AFDN: variants seen among roughly 807,000 people sequenced by gnomAD.
The protein encoded by AFDN is afadin, adherens junction formation factor.
In AFDN, 68 loss-of-function variants were observed where a neutral mutation model predicts 216.6. That is an observed-to-expected ratio of 0.31 (90% CI 0.26 to 0.38). The LOEUF (loss-of-function observed/expected upper bound fraction) is 0.38, where lower values mean the gene tolerates loss of function less well. Ranked by LOEUF, AFDN falls within the 10% of genes least tolerant of loss-of-function variation. The pLI, the probability that AFDN is intolerant of heterozygous loss-of-function variation, is 1.00. For missense variants in AFDN, 2,136 were observed against 2,342.0 expected, an observed-to-expected ratio of 0.91 and a Z score of 1.82; for synonymous variants, 868 against 853.7, an observed-to-expected ratio of 1.02 and a Z score of -0.29.
intron 23 of AFDN, among the ~76,000 whole-genome samples, chr6:167,940,863 G>A (rs78820954): frequency 0.029 from 905 of 30,866 alleles, no homozygotes; most frequent in Middle Eastern, 0.077. Flanking sequence ...GAGGGTGGAA[G>A]CCATCCACAG....
chr6:167,827,542 C>T (rs1050403863), intron 1 of AFDN: 1 of 144,954 alleles, frequency 6.9e-6, no homozygotes, highest in Non-Finnish European at 1.5e-5. Flanking sequence ...CCGCCCCCAC[C>T]CCCGCGAGCG....
rs1291470457 is a variant in AFDN at position 167,914,733 on chromosome 6, A to G, written c.2294A>G (p.Lys765Arg). The stretch of plus-strand genomic sequence containing the variant: ...GAAGAGAACAGTCTGCAACGACCAA[A>G]AATAGGTTAGGATGTTTTCTGACTG... ...DPEENSLQRP[K>R]IDDVLHTLTG... Residue 765 changes from lysine (K) to arginine (R), a missense_variant, in exon 18 of 34, where the codon AAA becomes AGA. Physicochemically the swap from Lys to Arg is conservative, Grantham distance 26. Around this residue, in one of 8 missense-constraint regions of AFDN, gnomAD observed 817 missense variants for 965.7 expected, o/e 0.85. Transcript: ENST00000683244. The G allele has an allele frequency of 6.2e-7, 1 of 1,604,812 alleles. No individual in the cohort carries two copies. The highest frequency in any genetic ancestry group is 2.2e-5 in the East Asian group (1 of 44,810).
intron 31 of AFDN, chr6:167,964,866 T>G (rs1049114318): frequency 9.4e-7 from 1 of 1,065,272 alleles, no homozygotes; most frequent in Admixed American, 5.3e-5. Context: ...TTATTTACTT[T>G]TTTCTTGTGC....
chr6:167,890,806 C>T (rs1254578696), intron 7 of AFDN, 56 bp from the exon 8 acceptor site: 142 of 1,536,606 alleles, frequency 9.2e-5, no homozygotes, highest in Non-Finnish European at 6.1e-5. Context: ...TGCCAGTCAG[C>T]GGGCCATCCT....
intron 23 of AFDN, among the ~76,000 whole-genome samples, chr6:167,935,075 T>C (rs145038416): frequency 7.8e-4 from 119 of 152,348 alleles, no homozygotes; most frequent in African/African-American, 2.8e-3. Flanking sequence ...CATTCTCTCT[T>C]GTAGCTCGTT....
In AFDN at chr6:167,970,278, T is replaced by TC. The variant is rs759295564; in HGVS notation, c.*347dup. The stretch of plus-strand genomic sequence containing the variant: ...AATGGATGTGTCTTCTCTCCCATCT[T>TC]CCCCTCATCATCGACCGAGGAGCAC... On this transcript the variant is annotated 3_prime_UTR_variant, in exon 34 of 34. Coordinates refer to ENST00000683244, the MANE Select transcript of AFDN (RefSeq NM_001386888.1). 14 of 283,844 alleles carry TC rather than the reference T, an allele frequency of 4.9e-5. No individual in the cohort carries two copies. Among genetic ancestry groups the TC allele is most frequent in the Non-Finnish European group, 6.5e-5 (10 of 152,972 alleles). The allele number at this position is 283,844 out of a possible 1,614,324, so 17.6% of individuals were successfully genotyped here. A position where few individuals can be genotyped will look rare whatever the true frequency, so the allele number is the denominator to read the frequency against.
intron 30 of AFDN, chr6:167,954,522 CT>C (rs1298020333): frequency 3.8e-6 from 6 of 1,590,492 alleles, no homozygotes; most frequent in Admixed American, 1.7e-5. Context: ...CCCTTTGGTA[CT>C]TTTTTCCTGT....
chr6:167,860,031 C>T (rs576249368), intron 1 of AFDN, among the ~76,000 whole-genome samples: 71 of 152,068 alleles, frequency 4.7e-4, no homozygotes, highest in Non-Finnish European at 7.1e-4. Context: ...GAGCATTGTA[C>T]GCTGACTGTA....
At position 167,898,328 on chromosome 6, in the gene AFDN, A is replaced by G. The variant is rs923372992; in HGVS notation, c.1441A>G (p.Thr481Ala). 7 of 1,614,048 alleles carry G rather than the reference A, an allele frequency of 4.3e-6. No individual in the cohort carries two copies. Among genetic ancestry groups the G allele is most frequent in the Non-Finnish European group, 5.9e-6 (7 of 1,180,026 alleles). ...GGAAGGCCAGCGCATCTCAGAAACC[A>G]CCATGCTGCAGAGTGGCATGAAAGT... Reference protein sequence around the residue: ...YVEGQRISETTMLQSGMKVQF... With the variant: ...YVEGQRISETAMLQSGMKVQF... Residue 481 changes from threonine (T) to alanine (A), a missense_variant, in exon 11 of 34, where the codon ACC becomes GCC. Around this residue, in one of 8 missense-constraint regions of AFDN, gnomAD observed 817 missense variants for 965.7 expected, o/e 0.85. Transcript: ENST00000683244.
chr6:167,913,311 T>G, intron 15 of AFDN, 92 bp from the exon 16 acceptor site: 4 of 1,201,246 alleles, frequency 3.3e-6, no homozygotes, highest in Non-Finnish European at 4.7e-6. Flanking sequence ...CGTACCTTCA[T>G]ATTAGTGTTT....
intron 1 of AFDN, among the ~76,000 whole-genome samples, chr6:167,837,985 C>A (rs1780636101): frequency 6.6e-6 from 1 of 152,152 alleles, no homozygotes; most frequent in Non-Finnish European, 1.5e-5. Flanking sequence ...ATATTTATTT[C>A]ATACATAAAT....
intron 23 of AFDN, among the ~76,000 whole-genome samples, chr6:167,935,834 T>C (rs1219745495): frequency 1.3e-5 from 2 of 152,136 alleles, no homozygotes; most frequent in African/African-American, 4.8e-5. Context: ...ATGTAAATTA[T>C]AGTATGGTAA....
intron 1 of AFDN, among the ~76,000 whole-genome samples, chr6:167,861,088 A>G (rs1303878206): frequency 2.0e-5 from 3 of 151,150 alleles, no homozygotes; most frequent in East Asian, 3.9e-4. Flanking sequence ...CCTCTCCCCA[A>G]CCCTCTGCAC....
At chr6:167,885,066 A>G (rs551481850) in intron 6 of AFDN, among the ~76,000 whole-genome samples, 1 of 152,194 alleles carries the variant, frequency 6.6e-6, no homozygotes, top group Non-Finnish European at 1.5e-5. Flanking sequence ...AACCTCTGCT[A>G]GCTTCAGACT....
chr6:167,882,165 C>T (rs947044654), intron 6 of AFDN, among the ~76,000 whole-genome samples: 2 of 151,556 alleles, frequency 1.3e-5, no homozygotes, highest in Admixed American at 6.6e-5. Context: ...TGAAATAAGA[C>T]TAGAATGCTG....
chr6:167,951,555 G>A lies in AFDN; in HGVS notation c.4201G>A (p.Ala1401Thr), dbSNP rs955816265. ...TTTGCCTCTCCCACCACCCCCTTCC[G>A]CCAACCAGATAGGGCTGCCGTCTGC... ...MDLPLPPPPS[A>T]NQIGLPSAQV... The change falls in exon 30 of 34, where the codon GCC becomes ACC. Residue 1401 changes from alanine (A) to threonine (T), a missense_variant. Physicochemically the swap from Ala to Thr is moderately conservative, Grantham distance 58. Coordinates refer to ENST00000683244, the MANE Select transcript of AFDN (RefSeq NM_001386888.1). The surrounding 1 kb of genome is among the most constrained non-coding windows in gnomAD (Gnocchi z 7.1). The A allele has an allele frequency of 8.1e-6, 13 of 1,613,578 alleles. No homozygotes were observed. The highest frequency in any genetic ancestry group is 1.1e-5 in the Non-Finnish European group (13 of 1,179,858).
intron 23 of AFDN, among the ~76,000 whole-genome samples, chr6:167,940,197 G>A (rs1794516930): frequency 6.6e-6 from 1 of 151,942 alleles, no homozygotes; most frequent in African/African-American, 2.4e-5. Context: ...AAAGATGGGT[G>A]GACAGACACA....
intron 30 of AFDN, among the ~76,000 whole-genome samples, chr6:167,957,176 C>G (rs1194597413): frequency 6.8e-6 from 1 of 146,616 alleles, no homozygotes; most frequent in Non-Finnish European, 1.5e-5. Flanking sequence ...GGGGGCCCAC[C>G]TGCCCCCACT....
chr6:167,842,948 A>G (rs1235544663), intron 1 of AFDN, among the ~76,000 whole-genome samples: 2 of 152,200 alleles, frequency 1.3e-5, no homozygotes, highest in Non-Finnish European at 2.9e-5. Flanking sequence ...TCTACAAAAA[A>G]AAACTAAAAC....
Sources: allele counts gnomAD v4.1 joint callset (sites outside exome capture counted in the v4.1 genomes callset), GRCh38; gene constraint gnomAD v4.1.1; regional missense constraint gnomAD v4.1.1; non-coding constraint Gnocchi (gnomAD v3.1); transcripts MANE v1.5; gene names NCBI Gene and HGNC (gene_info 2026-07-23, HGNC 2026-07-21).